The following LCLAT1 variants were observed in gnomAD, a reference collection of about 807,000 sequenced individuals.
The protein encoded by LCLAT1 is lysocardiolipin acyltransferase 1, also known as 1-AGP acyltransferase 8.
Under a neutral mutation model 30.7 loss-of-function variants are expected in LCLAT1, and 11 were observed. That is an observed-to-expected ratio of 0.36 (90% CI 0.23 to 0.59). The LOEUF (loss-of-function observed/expected upper bound fraction) is 0.59, where lower values mean the gene tolerates loss of function less well. LCLAT1 is among the 20% of genes least tolerant of loss of function. The pLI, the probability that LCLAT1 is intolerant of heterozygous loss-of-function variation, is 0.77. For synonymous variants in LCLAT1, 155 were observed against 151.3 expected, an observed-to-expected ratio of 1.02 and a Z score of -0.18; for missense variants, 402 against 458.6, an observed-to-expected ratio of 0.88 and a Z score of 1.13.
intron 3 of LCLAT1, among the ~76,000 whole-genome samples, chr2:30,549,769 G>A (rs1319874571): frequency 1.3e-5 from 2 of 152,136 alleles, no homozygotes; most frequent in Admixed American, 6.5e-5. Flanking sequence ...AGACCTGGGG[G>A]AAAATGAATT....
intron 5 of LCLAT1, among the ~76,000 whole-genome samples, chr2:30,594,677 C>T (rs995570731): frequency 6.6e-6 from 1 of 152,144 alleles, no homozygotes; most frequent in Non-Finnish European, 1.5e-5. Context: ...GGGAGGGTCT[C>T]TTATATCTCA....
chr2:30,544,025 G>C (rs1459512145), intron 3 of LCLAT1, among the ~76,000 whole-genome samples: 3 of 151,964 alleles, frequency 2.0e-5, no homozygotes, highest in East Asian at 3.9e-4. Flanking sequence ...TTTTAACACA[G>C]GTGTTTAGAA....
chr2:30,468,995 C>T (rs1682626258), intron 1 of LCLAT1, among the ~76,000 whole-genome samples: 1 of 152,154 alleles, frequency 6.6e-6, no homozygotes, highest in Admixed American at 6.5e-5. Flanking sequence ...TGCATTTCCC[C>T]AATGATGTAT....
At chr2:30,526,567 C>A (rs1685731776) in intron 2 of LCLAT1, among the ~76,000 whole-genome samples, 1 of 152,142 alleles carries the variant, frequency 6.6e-6, no homozygotes, top group African/African-American at 2.4e-5. Flanking sequence ...ACCTTTTACT[C>A]TGTCAGGGCC....
At chr2:30,494,690 C>A (rs967622686) in intron 1 of LCLAT1, among the ~76,000 whole-genome samples, 4 of 149,820 alleles carry the variant, frequency 2.7e-5, no homozygotes, top group African/African-American at 7.4e-5. Flanking sequence ...TTTTTTTAAA[C>A]GTCTGCAGTA....
intron 1 of LCLAT1, among the ~76,000 whole-genome samples, chr2:30,510,321 TG>T (rs1487563896): frequency 6.6e-6 from 1 of 152,222 alleles, no homozygotes; most frequent in Admixed American, 6.5e-5. Flanking sequence ...TGTCTGACAG[TG>T]TTTTTCTACC....
At chr2:30,558,851 T>C (rs1274553648) in intron 3 of LCLAT1, among the ~76,000 whole-genome samples, 1 of 152,216 alleles carries the variant, frequency 6.6e-6, no homozygotes, top group Non-Finnish European at 1.5e-5. Flanking sequence ...GTTTCACTGC[T>C]GGTTATCTAC....
rs1558560187 is a variant in LCLAT1, at chr2:30,618,289, A to G, written c.629-21828A>G. On this transcript the variant is annotated intron_variant, in intron 5 of 5. Transcript: ENST00000379509. Reference sequence around the variant, plus strand: ...TATAAAACTTAGAATCAGTTTGTTAATTTATACACAGAAGCAGACTAGTTT... The same window carrying G: ...TATAAAACTTAGAATCAGTTTGTTAGTTTATACACAGAAGCAGACTAGTTT... 2.0e-5 allele frequency among the ~76,000 whole-genome samples: 3 copies of G among 152,266 alleles called. 1 individual carries two copies. Among genetic ancestry groups the G allele is most frequent in the South Asian group, 4.1e-4 (2 of 4,830 alleles).
intron 1 of LCLAT1, among the ~76,000 whole-genome samples, chr2:30,502,988 C>T (rs186055299): frequency 2.8e-4 from 43 of 152,282 alleles, no homozygotes; most frequent in Non-Finnish European, 4.9e-4. Flanking sequence ...GAGTAGGCAA[C>T]GTATGGTCTC....
chr2:30,594,760 A>G (rs1666855372), intron 5 of LCLAT1, among the ~76,000 whole-genome samples: 1 of 152,240 alleles, frequency 6.6e-6, no homozygotes, highest in Admixed American at 6.5e-5. Flanking sequence ...AAATGAAACA[A>G]TGCATAATTA....
intron 5 of LCLAT1, among the ~76,000 whole-genome samples, chr2:30,610,872 T>TA (rs913461107): frequency 6.6e-6 from 1 of 152,142 alleles, no homozygotes; most frequent in Non-Finnish European, 1.5e-5. Flanking sequence ...TATAACTTTT[T>TA]AAAAAATTTC....
intron 1 of LCLAT1, among the ~76,000 whole-genome samples, chr2:30,490,368 A>G (rs1683782534): frequency 6.6e-6 from 1 of 151,708 alleles, no homozygotes; most frequent in Admixed American, 6.6e-5. Context: ...ACACCTGGCT[A>G]ATTTTTTGTA....
chr2:30,549,263 A>G (rs1572609442), intron 3 of LCLAT1, among the ~76,000 whole-genome samples: 1 of 152,266 alleles, frequency 6.6e-6, no homozygotes, highest in African/African-American at 2.4e-5. Context: ...CCTAAATTGG[A>G]TATCCTGTTG....
At chr2:30,512,694 T>C (rs1202714662) in intron 1 of LCLAT1, among the ~76,000 whole-genome samples, 2 of 152,208 alleles carry the variant, frequency 1.3e-5, no homozygotes, top group Non-Finnish European at 2.9e-5. Flanking sequence ...ATGCCATCTA[T>C]TATATTTTGC....
intron 5 of LCLAT1, among the ~76,000 whole-genome samples, chr2:30,603,591 C>G (rs1178515906): frequency 6.6e-6 from 1 of 151,918 alleles, no homozygotes; most frequent in African/African-American, 2.4e-5. Flanking sequence ...TTGCACCTTT[C>G]TTGGGGAACT....
chr2:30,615,111 TAGA>T (rs1298097678), intron 5 of LCLAT1, among the ~76,000 whole-genome samples: 1 of 152,018 alleles, frequency 6.6e-6, no homozygotes, highest in African/African-American at 2.4e-5. Context: ...GAGTGGTCAC[TAGA>T]AGGAGAGGTG....
intron 2 of LCLAT1, among the ~76,000 whole-genome samples, chr2:30,527,976 G>T (rs1326518036): frequency 1.3e-5 from 2 of 152,148 alleles, no homozygotes; most frequent in Non-Finnish European, 1.5e-5. Flanking sequence ...TCATCAAAGG[G>T]TTCAGATGTC....
chr2:30,537,521 T>TACACACACACACACACAC (rs58394759), intron 3 of LCLAT1, among the ~76,000 whole-genome samples: 1 of 149,106 alleles, frequency 6.7e-6, no homozygotes, highest in African/African-American at 2.5e-5. Flanking sequence ...CAATTGTAAA[T>TACACACACACACACACAC]ACACACACAC....
At chr2:30,616,117 C>T (rs143229951) in intron 5 of LCLAT1, among the ~76,000 whole-genome samples, 3 of 152,260 alleles carry the variant, frequency 2.0e-5, no homozygotes, top group East Asian at 3.9e-4. Flanking sequence ...CAAGCTGTCA[C>T]ACCATGTGCA....
Sources: gnomAD v4.1 joint callset for allele counts (sites outside exome capture counted in the v4.1 genomes callset) on GRCh38, gnomAD v4.1.1 for gene constraint, MANE v1.5 for transcripts, NCBI Gene and HGNC (gene_info 2026-07-23, HGNC 2026-07-21) for gene names.